Variants in CSF1R observed in about 807,000 individuals in gnomAD.
CSF1R encodes macrophage colony-stimulating factor 1 receptor.
CSF1R carries 40 observed loss-of-function variants against 110.0 expected under a neutral mutation model. The ratio of observed to expected loss-of-function variants is 0.36; its 90% CI spans 0.28 to 0.47. The LOEUF is 0.47. CSF1R is among the 20% of genes least tolerant of loss of function. CSF1R has a pLI of 0.99. For synonymous variants in CSF1R, 523 were observed against 503.4 expected, an observed-to-expected ratio of 1.04 and a Z score of -0.52; for missense variants, 1,052 against 1,253.0, an observed-to-expected ratio of 0.84 and a Z score of 2.42.
At position 150,058,154 on chromosome 5, in the gene CSF1R, C is replaced by T. The variant is rs562611402; in HGVS notation, c.2133-562G>A. 55 of 453,572 alleles carry T rather than the reference C, an allele frequency of 1.2e-4. 2 individuals are homozygous for T. Among genetic ancestry groups the T allele is most frequent in the South Asian group, 6.7e-4 (43 of 64,272 alleles). The allele number at this position is 453,572 out of a possible 1,614,324, so 28.1% of individuals were successfully genotyped here. On this transcript the variant is annotated intron_variant, in intron 14 of 20. Transcript: ENST00000675795. ...CACTGGTCTAGAGCAGTGCTGCTTA[C>T]GCTGCAACTCATGTGCAGATAAATC...
chr5:150,070,967 T>C (rs535750259), intron 6 of CSF1R, among the ~76,000 whole-genome samples: 18 of 152,250 alleles, frequency 1.2e-4, no homozygotes, highest in Middle Eastern at 3.4e-3. Context: ...AGAGGCAGGA[T>C]GTAGGGCCCT....
At chr5:150,073,212 G>T in intron 6 of CSF1R, 89 bp downstream of exon 6, 3 of 1,347,348 alleles carry the variant, frequency 2.2e-6, no homozygotes, top group Non-Finnish European at 3.1e-6. Context: ...ATACACCAAG[G>T]TTGGGACATG....
rs1212669592 is a variant in CSF1R, at chr5:150,060,018, GT to G, written c.1970-157del. On this transcript the variant is annotated intron_variant, in intron 13 of 20. Transcript: ENST00000675795. ...GAGCAAGTTTCCTTGTGCCTCAGTA[GT>G]TCCATTTGTTTAAAACAGATGGCTT... 2.6e-5 allele frequency among the ~76,000 whole-genome samples: 4 copies of G among 152,262 alleles called. No homozygotes were observed. In the East Asian group the frequency reaches 7.7e-4, roughly 29 times the overall value.
At position 150,081,102 on chromosome 5, in the gene CSF1R, G is replaced by T. The variant is rs1370029386; in HGVS notation, c.50-78C>A. ...GGGCCGTCCTGACTCTGAGATGGGTGGTAGCTTGGCAGGGATGGTGCTGTG... is the reference window on the plus strand; with the variant it reads ...GGGCCGTCCTGACTCTGAGATGGGTTGTAGCTTGGCAGGGATGGTGCTGTG... On this transcript the variant is annotated intron_variant, in intron 1 of 20. Transcript: ENST00000675795. 7.2e-6 allele frequency: 11 copies of T among 1,531,178 alleles called. No homozygotes were observed. The African/African-American group carries it at 1.2e-4, about 17-fold the overall frequency. The allele number at this position is 1,531,178 out of a possible 1,614,324, so 94.8% of individuals were successfully genotyped here. A position where few individuals can be genotyped will look rare whatever the true frequency, so the allele number is the denominator to read the frequency against.
rs746976121 is a variant in CSF1R, at chr5:150,053,961, G to C, written c.*108C>G. On this transcript the variant is annotated 3_prime_UTR_variant, in exon 21 of 21. Transcript: ENST00000675795. ...AGTTTCAGAGCTGGGCCGAGCTGTTGAGTGAAATGACCGAAGGCAGAGTTT... is the reference window on the plus strand; with the variant it reads ...AGTTTCAGAGCTGGGCCGAGCTGTTCAGTGAAATGACCGAAGGCAGAGTTT... 373 of 1,141,184 alleles carry C rather than the reference G, an allele frequency of 3.3e-4. No homozygotes were observed. Among genetic ancestry groups the C allele is most frequent in the Middle Eastern group, 7.6e-4 (3 of 3,954 alleles). 70.7% of individuals were successfully genotyped at this position (1,141,184 alleles called of 1,614,324 possible). A position where few individuals can be genotyped will look rare whatever the true frequency, so the allele number is the denominator to read the frequency against.
chr5:150,109,365 C>T (rs948127589), intron 1 of CSF1R, among the ~76,000 whole-genome samples: 8 of 152,164 alleles, frequency 5.3e-5, no homozygotes, highest in East Asian at 1.9e-4. Flanking sequence ...CAGAGCAGGG[C>T]GGTGAGGGAA....
chr5:150,057,479 G>A, intron 15 of CSF1R, 25 bp downstream of exon 15: 2 of 1,612,964 alleles, frequency 1.2e-6, no homozygotes, highest in South Asian at 1.1e-5. Flanking sequence ...CAAGCAAATG[G>A]GGCCTGGCCC....
In CSF1R at chr5:150,070,301, G is replaced by T; in HGVS notation, c.1200C>A (p.Tyr400Ter). 6.2e-7 allele frequency: 1 copy of T among 1,613,574 alleles called. No homozygotes were observed. The highest frequency in any genetic ancestry group is 8.5e-7 in the Non-Finnish European group (1 of 1,179,694). Residue 400 changes from tyrosine to a stop codon, truncating the protein, a stop_gained and splice_region_variant, in exon 8 of 21, where the codon TAC becomes TAA. Transcript: ENST00000675795. LOFTEE classifies it high-confidence loss of function. ...RALTFELTLR[Y>*]PPEVSVIWTF... ...TCCATATGACGCTTACCTCTGGGGG[G>T]TCTGAGGAAGAAAGGAGGAGGCCCC...
chr5:150,084,737 C>T (rs1758757405), intron 1 of CSF1R, among the ~76,000 whole-genome samples: 2 of 151,802 alleles, frequency 1.3e-5, no homozygotes, highest in Admixed American at 1.3e-4. Context: ...CAGGTGTGAG[C>T]CACCATGCCT....
rs146691087 is a variant in CSF1R at position 150,056,072 on chromosome 5, G to A, written c.2508C>T (p.Ser836=). Residue 836 remains serine (S), a synonymous_variant, in exon 18 of 21, where the codon AGC becomes AGT. Transcript: ENST00000675795. ...GGAGGATGCCATAGGACCAGACGTCGCTCTGAACCGTGTAGACACAGTCAA... is the reference window on the plus strand; with the variant it reads ...GGAGGATGCCATAGGACCAGACGTCACTCTGAACCGTGTAGACACAGTCAA... ...SIFDCVYTVQ[S]DVWSYGILLW... The A allele has an allele frequency of 3.2e-5, 52 of 1,614,212 alleles. No homozygotes were observed. The African/African-American group carries it at 4.0e-4, about 12-fold the overall frequency.
At chr5:150,076,241 C>T (rs1051857717) in intron 5 of CSF1R, among the ~76,000 whole-genome samples, 1 of 152,198 alleles carries the variant, frequency 6.6e-6, no homozygotes, top group African/African-American at 2.4e-5. Flanking sequence ...CACATGGTGC[C>T]AGACTGAGCC....
intron 1 of CSF1R, 96 bp from the exon 2 acceptor site, chr5:150,081,120 G>T: frequency 7.0e-7 from 1 of 1,429,204 alleles, no homozygotes; most frequent in Non-Finnish European, 9.6e-7. Flanking sequence ...GGCAGGGATG[G>T]TGCTGTGCCA....
intron 13 of CSF1R, among the ~76,000 whole-genome samples, chr5:150,060,104 G>C (rs1757433537): frequency 6.6e-6 from 1 of 152,062 alleles, no homozygotes; most frequent in South Asian, 2.1e-4. Flanking sequence ...AAGGTGGGTG[G>C]ATCACGAGGT....
intron 16 of CSF1R, 147 bp from the exon 17 acceptor site, chr5:150,056,488 T>G: frequency 1.1e-6 from 1 of 937,100 alleles, no homozygotes; most frequent in Non-Finnish European, 1.6e-6. Flanking sequence ...CCCTTGTCTA[T>G]ACCTTCTACC....
intron 2 of CSF1R, 93 bp from the exon 3 acceptor site, chr5:150,080,429 T>C (rs1378126723): frequency 6.8e-7 from 1 of 1,477,036 alleles, no homozygotes; most frequent in African/African-American, 1.4e-5. Flanking sequence ...TCAGAGAGGC[T>C]GATCATTCAT....
rs369885587 is a variant in CSF1R at position 150,079,303 on chromosome 5, G to C, written c.592+749C>G. 2.2e-4 allele frequency among the ~76,000 whole-genome samples: 33 copies of C among 152,334 alleles called. No homozygotes were observed. The East Asian group carries it at 6.2e-3, about 28-fold the overall frequency. ...TGGCTTCAGATCCCAGTGGCATTGG[G>C]CTAGCTGCTTCACTCTGACCCTGGC... is the stretch of plus-strand genomic sequence containing the variant. On this transcript the variant is annotated intron_variant, in intron 3 of 20. Coordinates refer to ENST00000675795, the MANE Select transcript of CSF1R (RefSeq NM_001288705.3).
chr5:150,096,987 G>T (rs1759243797), intron 1 of CSF1R, among the ~76,000 whole-genome samples: 1 of 152,166 alleles, frequency 6.6e-6, no homozygotes, highest in Non-Finnish European at 1.5e-5. Flanking sequence ...AATAGACCAG[G>T]TGTGGTGACT....
Position 150,057,489 on chromosome 5 carries a change from C to G in CSF1R, c.2221+15G>C. On this transcript the variant is annotated intron_variant, in intron 15 of 20. Transcript: ENST00000675795. ...GTTATCAAGCAAATGGGGCCTGGCC[C>G]TGGGACCTCCTCACCTTGCTCAGAG... The G allele has an allele frequency of 1.2e-6, 2 of 1,613,930 alleles. No individual in the cohort carries two copies. Among genetic ancestry groups the G allele is most frequent in the South Asian group, 2.2e-5 (2 of 91,082 alleles).
At chr5:150,106,926 T>C (rs1235596200) in intron 1 of CSF1R, among the ~76,000 whole-genome samples, 1 of 152,190 alleles carries the variant, frequency 6.6e-6, no homozygotes, top group African/African-American at 2.4e-5. Context: ...GAAGCACAGT[T>C]ATGAGAGTGG....
Sources: gnomAD v4.1 joint callset for allele counts (sites outside exome capture counted in the v4.1 genomes callset) on GRCh38, gnomAD v4.1.1 for gene constraint, MANE v1.5 for transcripts, NCBI Gene and HGNC (gene_info 2026-07-23, HGNC 2026-07-21) for gene names.